The following PARD3 variants were observed in gnomAD, a reference collection of about 807,000 sequenced individuals.
The protein encoded by PARD3 is partitioning defective 3 homolog.
Under a neutral mutation model 155.4 loss-of-function variants are expected in PARD3, and 75 were observed. That is an observed-to-expected ratio of 0.48 (90% CI 0.40 to 0.58). The LOEUF is 0.58. Among genes scored for constraint, PARD3 ranks in the 20% least tolerant of loss-of-function variants. The pLI is 0.00. For missense variants in PARD3, 1,642 were observed against 1,721.7 expected, an observed-to-expected ratio of 0.95 and a Z score of 0.82; for synonymous variants, 576 against 610.5, an observed-to-expected ratio of 0.94 and a Z score of 0.83.
At chr10:34,654,278 G>A (rs1050408934) in intron 2 of PARD3, among the ~76,000 whole-genome samples, 2 of 152,056 alleles carry the variant, frequency 1.3e-5, no homozygotes, top group African/African-American at 4.8e-5. Context: ...TAGCTAACAT[G>A]TATAAGGTGA....
intron 1 of PARD3, among the ~76,000 whole-genome samples, chr10:34,713,655 G>T (rs2094477433): frequency 6.6e-6 from 1 of 152,158 alleles, no homozygotes; most frequent in Non-Finnish European, 1.5e-5. Flanking sequence ...AGTCCCAGCT[G>T]CTCAGGAGGC....
chr10:34,275,210 T>A (rs1955817636), intron 21 of PARD3, among the ~76,000 whole-genome samples: 1 of 152,206 alleles, frequency 6.6e-6, no homozygotes, highest in Non-Finnish European at 1.5e-5. Flanking sequence ...GAAGGAATTG[T>A]ATTTGTATTG....
At chr10:34,201,278 C>T (rs1055390241) in intron 22 of PARD3, among the ~76,000 whole-genome samples, 6 of 152,342 alleles carry the variant, frequency 3.9e-5, no homozygotes, top group South Asian at 2.1e-4. Flanking sequence ...TCAATGAATG[C>T]TGTTCACTAA....
intron 14 of PARD3, among the ~76,000 whole-genome samples, chr10:34,353,678 TC>T (rs1838446967): frequency 6.7e-6 from 1 of 148,556 alleles, no homozygotes; most frequent in African/African-American, 2.5e-5. Context: ...CCCTGCCAAA[TC>T]CCCCTCTCCG....
chr10:34,684,048 G>A (rs568002583), intron 2 of PARD3, among the ~76,000 whole-genome samples: 1 of 152,274 alleles, frequency 6.6e-6, no homozygotes, highest in South Asian at 2.1e-4. Context: ...ATTTATACAA[G>A]TTATTTCATT....
chr10:34,318,924 C>A (rs1049825991), intron 19 of PARD3, among the ~76,000 whole-genome samples: 1 of 151,444 alleles, frequency 6.6e-6, no homozygotes, highest in Non-Finnish European at 1.5e-5. Flanking sequence ...CACCACCACG[C>A]CCAGCTAATT....
intron 1 of PARD3, among the ~76,000 whole-genome samples, chr10:34,741,174 ATTTT>A (rs71033345): frequency 1.9e-4 from 22 of 114,276 alleles, no homozygotes; most frequent in Admixed American, 5.6e-4. Flanking sequence ...CGTAAACCAA[ATTTT>A]TTTTTTTTTT....
chr10:34,695,728 G>C (rs1047649391), intron 2 of PARD3, among the ~76,000 whole-genome samples: 3 of 152,266 alleles, frequency 2.0e-5, no homozygotes, highest in Non-Finnish European at 4.4e-5. Flanking sequence ...AGCACTGATG[G>C]AGAAAAGGCC....
chr10:34,484,549 T>C (rs971289833), intron 3 of PARD3, among the ~76,000 whole-genome samples: 7 of 152,172 alleles, frequency 4.6e-5, no homozygotes, highest in South Asian at 2.1e-4. Context: ...GTTGTTGTTT[T>C]GCCAAGAGTG....
chr10:34,162,707 A>G (rs963201054), intron 22 of PARD3, among the ~76,000 whole-genome samples: 61 of 152,304 alleles, frequency 4.0e-4, no homozygotes, highest in African/African-American at 1.4e-3. Flanking sequence ...TGCTACATTC[A>G]CCTGAATTCT....
chr10:34,132,828 C>T (rs1208024746), intron 22 of PARD3, among the ~76,000 whole-genome samples: 1 of 152,060 alleles, frequency 6.6e-6, no homozygotes, highest in Non-Finnish European at 1.5e-5. Context: ...ATCCTGCACC[C>T]ATATAAACTG....
Position 34,238,261 on chromosome 10 carries a change from A to T in PARD3, c.3419+31396T>A, listed in dbSNP as rs80255741. Among the ~76,000 whole-genome samples the T allele has an allele frequency of 1.2e-3, 184 of 152,332 alleles. 4 individuals are homozygous for T. In the East Asian group the frequency reaches 0.026, roughly 22 times the overall value. On this transcript the variant is annotated intron_variant, in intron 22 of 24. Coordinates refer to ENST00000374788, the MANE Select transcript of PARD3 (RefSeq NM_001184785.2). ...GCTGATGATAACTGGCTTTGGCAAC[A>T]GACTGTAGTATCCCAAATGAGTAAT...
At chr10:34,611,955 T>C (rs1284337558) in intron 2 of PARD3, among the ~76,000 whole-genome samples, 1 of 51,916 alleles carries the variant, frequency 1.9e-5, no homozygotes, top group African/African-American at 7.8e-5. Flanking sequence ...CCGCCCCGAG[T>C]AGCTGGGACT....
chr10:34,290,956 C>A (rs1387277128), intron 20 of PARD3, among the ~76,000 whole-genome samples: 1 of 152,164 alleles, frequency 6.6e-6, no homozygotes, highest in Non-Finnish European at 1.5e-5. Context: ...CAAAACAAAC[C>A]CATGAACTTT....
At chr10:34,164,735 TA>T (rs1229885422) in intron 22 of PARD3, among the ~76,000 whole-genome samples, 2 of 152,224 alleles carry the variant, frequency 1.3e-5, no homozygotes, top group Non-Finnish European at 2.9e-5. Context: ...GAATTGTATG[TA>T]AAGTTGTTCT....
chr10:34,807,382 T>C (rs1272927398), intron 1 of PARD3, among the ~76,000 whole-genome samples: 2 of 152,174 alleles, frequency 1.3e-5, no homozygotes, highest in Admixed American at 1.3e-4. Context: ...AACATCTTTA[T>C]TGACATATAA....
intron 3 of PARD3, among the ~76,000 whole-genome samples, chr10:34,475,434 T>C (rs765469879): frequency 1.4e-4 from 22 of 152,170 alleles, no homozygotes; most frequent in Non-Finnish European, 2.1e-4. Context: ...CTTAATAGCT[T>C]TTCCAGAAAA....
intron 22 of PARD3, among the ~76,000 whole-genome samples, chr10:34,191,043 T>A (rs1256553380): frequency 6.6e-6 from 1 of 151,910 alleles, no homozygotes; most frequent in Non-Finnish European, 1.5e-5. Context: ...AAGGCTTTAA[T>A]CAGGAAATGT....
At chr10:34,697,771 T>TACACACACA (rs1554814508) in intron 1 of PARD3, among the ~76,000 whole-genome samples, 1 of 150,200 alleles carries the variant, frequency 6.7e-6, no homozygotes, top group African/African-American at 2.5e-5. Flanking sequence ...AAACAAACAC[T>TACACACACA]CACACACACA....
Sources: allele counts gnomAD v4.1 joint callset (sites outside exome capture counted in the v4.1 genomes callset), GRCh38; gene constraint gnomAD v4.1.1; transcripts MANE v1.5; gene names NCBI Gene and HGNC (gene_info 2026-07-23, HGNC 2026-07-21).